The following PCDH7 variants were observed in gnomAD, a reference collection of about 807,000 sequenced individuals.
PCDH7 encodes protocadherin 7.
PCDH7 carries 17 observed loss-of-function variants against 58.9 expected under a neutral mutation model. The ratio of observed to expected loss-of-function variants is 0.29; its 90% CI spans 0.20 to 0.43. PCDH7 has a LOEUF of 0.43. Among genes scored for constraint, PCDH7 ranks in the 20% least tolerant of loss-of-function variants. The pLI, the probability that PCDH7 is intolerant of heterozygous loss-of-function variation, is 1.00. For synonymous variants in PCDH7, 664 were observed against 616.4 expected (o/e 1.08, Z -1.14); for missense variants, 1,274 against 1,441.0 (o/e 0.88, Z 1.88).
chr4:31,133,134 C>T (rs1171462773), intron 3 of PCDH7, among the ~76,000 whole-genome samples: 1 of 152,124 alleles, frequency 6.6e-6, no homozygotes, highest in East Asian at 1.9e-4. Context: ...AATTTTTAAA[C>T]ATTTTTGACT....
chr4:30,968,978 G>C (rs2109470535), intron 3 of PCDH7, among the ~76,000 whole-genome samples: 1 of 152,164 alleles, frequency 6.6e-6, no homozygotes, highest in South Asian at 2.1e-4. Context: ...AACAGCTTCA[G>C]GATCCTGCAT....
chr4:30,972,801 TCTAC>T (rs1426895222), intron 3 of PCDH7, among the ~76,000 whole-genome samples: 1 of 152,122 alleles, frequency 6.6e-6, no homozygotes, highest in African/African-American at 2.4e-5. Context: ...CCCACCCCAC[TCTAC>T]CACACGGAGT....
chr4:31,043,332 T>C (rs1756031648), intron 3 of PCDH7, among the ~76,000 whole-genome samples: 1 of 152,170 alleles, frequency 6.6e-6, no homozygotes, highest in African/African-American at 2.4e-5. Context: ...ATGGTATTTC[T>C]GCCTCTAGGT....
rs781018883 is a variant in PCDH7 at position 30,723,240 on chromosome 4, G to C, written c.1818G>C (p.Glu606Asp). ...ACCGCGAGCAGACTGACAGGTATGA[G>C]TTTAAAGTTAACGCCAAAGACAAAG... Residue 606 changes from glutamate to aspartate, a missense_variant, in exon 1 of 2, where the codon GAG (glutamate) becomes GAC (aspartate). Around this residue, in one of 3 missense-constraint regions of PCDH7, gnomAD observed 731 missense variants for 881.9 expected, o/e 0.83. Coordinates refer to ENST00000361762, the Ensembl canonical transcript of PCDH7. This position sits in a 1 kb window ranked among gnomAD's most constrained non-coding sequence, Gnocchi z 4.6. 5.6e-6 allele frequency: 9 copies of C among 1,614,248 alleles called. No homozygotes were observed. The highest frequency in any genetic ancestry group is 7.6e-6 in the Non-Finnish European group (9 of 1,180,056).
chr4:30,924,572 T>C (rs1230325652), intron 2 of PCDH7, among the ~76,000 whole-genome samples: 1 of 151,870 alleles, frequency 6.6e-6, no homozygotes, highest in Non-Finnish European at 1.5e-5. Context: ...ATCAAAGGAG[T>C]GGACTGAATC....
chr4:30,822,586 T>G (rs1728510359), intron 1 of PCDH7, among the ~76,000 whole-genome samples: 3 of 152,212 alleles, frequency 2.0e-5, no homozygotes, highest in Admixed American at 2.0e-4. Context: ...ATGGTTTACT[T>G]ATTTTGTGCT....
intron 3 of PCDH7, among the ~76,000 whole-genome samples, chr4:31,039,377 G>A (rs926262286): frequency 2.0e-5 from 3 of 152,158 alleles, no homozygotes; most frequent in Admixed American, 6.6e-5. Flanking sequence ...AGTTTATAGT[G>A]TTGTTGTTTT....
rs570544167 is a variant in PCDH7 at position 31,049,127 on chromosome 4, C to T, written c.*8-93346C>T. 5.3e-5 allele frequency among the ~76,000 whole-genome samples: 8 copies of T among 152,124 alleles called. No homozygotes were observed. The South Asian group carries it at 1.7e-3, about 32-fold the overall frequency. On this transcript the variant is annotated intron_variant, in intron 3 of 3. Transcript: ENST00000509759. ...ACTCATCATTTAACGTTAGGTATAT[C>T]TCCTAATGCTATCCCTCCCCACTCC...
At chr4:30,938,646 C>T (rs1745653518) in intron 2 of PCDH7, among the ~76,000 whole-genome samples, 1 of 152,058 alleles carries the variant, frequency 6.6e-6, no homozygotes, top group Admixed American at 6.6e-5. Flanking sequence ...TCAATTGTTT[C>T]ATACATTACA....
intron 3 of PCDH7, among the ~76,000 whole-genome samples, chr4:31,074,311 G>A (rs928109754): frequency 2.0e-5 from 3 of 150,928 alleles, no homozygotes; most frequent in Admixed American, 6.7e-5. Flanking sequence ...ACTGTTTTCT[G>A]AAGATCTAGG....
At chr4:31,060,082 T>C (rs1429875161) in intron 3 of PCDH7, among the ~76,000 whole-genome samples, 3 of 151,742 alleles carry the variant, frequency 2.0e-5, no homozygotes, top group African/African-American at 7.2e-5. Flanking sequence ...AGAGGGCCTT[T>C]ATCTTTAAGT....
chr4:31,126,126 C>CTTTTTT (rs555596051), intron 3 of PCDH7, among the ~76,000 whole-genome samples: 6 of 128,346 alleles, frequency 4.7e-5, no homozygotes, highest in African/African-American at 5.8e-5. Flanking sequence ...CATATCCTTT[C>CTTTTTT]TTTTTTTTTT....
chr4:30,816,115 A>G (rs992519511), intron 1 of PCDH7, among the ~76,000 whole-genome samples: 1 of 152,178 alleles, frequency 6.6e-6, no homozygotes, highest in Non-Finnish European at 1.5e-5. Context: ...GGTTTTGTTC[A>G]TCCTTTTAAA....
intron 1 of PCDH7, among the ~76,000 whole-genome samples, chr4:30,886,738 G>A (rs926225224): frequency 1.9e-4 from 29 of 151,724 alleles, no homozygotes; most frequent in African/African-American, 6.5e-4. Context: ...GTCCAACAAT[G>A]ATAGACTGGA....
intron 3 of PCDH7, among the ~76,000 whole-genome samples, chr4:31,128,424 G>C (rs927787190): frequency 6.6e-6 from 1 of 152,108 alleles, no homozygotes; most frequent in South Asian, 2.1e-4. Flanking sequence ...AATGCCCTCA[G>C]TTACAAGGAT....
chr4:30,992,623 T>C (rs1751546249), intron 3 of PCDH7, among the ~76,000 whole-genome samples: 1 of 152,154 alleles, frequency 6.6e-6, no homozygotes, highest in African/African-American at 2.4e-5. Context: ...TAAATCATCT[T>C]ATAAATCACA....
chr4:30,990,408 A>G (rs765802444), intron 3 of PCDH7, among the ~76,000 whole-genome samples: 3 of 152,120 alleles, frequency 2.0e-5, no homozygotes, highest in Non-Finnish European at 4.4e-5. Flanking sequence ...CCAGAATGCT[A>G]CTTACTATGA....
At chr4:31,026,370 C>G (rs1431501727) in intron 3 of PCDH7, among the ~76,000 whole-genome samples, 2 of 152,202 alleles carry the variant, frequency 1.3e-5, no homozygotes, top group African/African-American at 2.4e-5. Flanking sequence ...AGGCTATGAT[C>G]TGATCGGCAA....
intron 2 of PCDH7, among the ~76,000 whole-genome samples, chr4:30,920,710 A>C (rs980439890): frequency 6.6e-6 from 1 of 152,124 alleles, no homozygotes; most frequent in African/African-American, 2.4e-5. Context: ...TCTTCTATTC[A>C]TTTTTGTCAT....
Sources: allele counts gnomAD v4.1 joint callset (sites outside exome capture counted in the v4.1 genomes callset), GRCh38; gene constraint gnomAD v4.1.1; regional missense constraint gnomAD v4.1.1; non-coding constraint Gnocchi (gnomAD v3.1); transcripts MANE v1.5; gene names NCBI Gene and HGNC (gene_info 2026-07-23, HGNC 2026-07-21).